Variants in SLC39A11 observed in about 807,000 individuals in gnomAD.
SLC39A11 encodes the protein zinc transporter ZIP11.
Under a neutral mutation model 36.1 loss-of-function variants are expected in SLC39A11, and 33 were observed. The ratio of observed to expected loss-of-function variants is 0.91; its 90% CI spans 0.69 to 1.22. SLC39A11 has a LOEUF of 1.22. SLC39A11 is among the 50% of genes most tolerant of loss of function. The pLI is 0.00. For synonymous variants in SLC39A11, 166 were observed against 170.3 expected (o/e 0.97, Z 0.20); for missense variants, 432 against 430.3 (o/e 1.00, Z -0.03).
chr17:72,800,951 T>C (rs2077064435), intron 6 of SLC39A11, among the ~76,000 whole-genome samples: 1 of 152,206 alleles, frequency 6.6e-6, no homozygotes, highest in Non-Finnish European at 1.5e-5. Flanking sequence ...TAATGTGCCA[T>C]GCAATGGAAT....
Position 72,717,106 on chromosome 17 carries a change from GTATGTATA to G in SLC39A11, c.671+19536_671+19543del, listed in dbSNP as rs938418587. 2.6e-4 allele frequency among the ~76,000 whole-genome samples: 38 copies of G among 143,736 alleles called. No homozygotes were observed. In the East Asian group the frequency reaches 2.8e-3, roughly 11 times the overall value. 94.3% of individuals were successfully genotyped at this position (143,736 alleles called of 152,430 possible). A position where few individuals can be genotyped will look rare whatever the true frequency, so the allele number is the denominator to read the frequency against. ...TGTATATATGTATATACTTATATGT[GTATGTATA>G]TATGTATATATGTATATACTTATAT... is the stretch of plus-strand genomic sequence containing the variant. On this transcript the variant is annotated intron_variant, in intron 7 of 9. Coordinates refer to ENST00000255559, the MANE Select transcript of SLC39A11 (RefSeq NM_139177.4).
chr17:72,987,167 C>T (rs1046062108), intron 4 of SLC39A11, among the ~76,000 whole-genome samples: 27 of 152,196 alleles, frequency 1.8e-4, no homozygotes, highest in African/African-American at 6.3e-4. Flanking sequence ...TCGCTTGTCA[C>T]GTCACACATC....
chr17:72,726,758 CA>C (rs1773581796), intron 7 of SLC39A11, among the ~76,000 whole-genome samples: 1 of 152,140 alleles, frequency 6.6e-6, no homozygotes, highest in Admixed American at 6.5e-5. Flanking sequence ...ATGTATAAGC[CA>C]GGGGAAAGGA....
At chr17:72,699,241 A>G (rs2072489410) in intron 7 of SLC39A11, among the ~76,000 whole-genome samples, 1 of 152,244 alleles carries the variant, frequency 6.6e-6, no homozygotes, top group African/African-American at 2.4e-5. Flanking sequence ...CCACACATAA[A>G]ATACACTAAC....
intron 6 of SLC39A11, among the ~76,000 whole-genome samples, chr17:72,809,084 T>C (rs1044636232): frequency 6.6e-6 from 1 of 152,212 alleles, no homozygotes; most frequent in Non-Finnish European, 1.5e-5. Flanking sequence ...AGTTTGGAGA[T>C]TATTTCTCTA....
chr17:72,974,662 CT>C (rs2087717622), intron 4 of SLC39A11, among the ~76,000 whole-genome samples: 1 of 152,062 alleles, frequency 6.6e-6, no homozygotes, highest in African/African-American at 2.4e-5. Flanking sequence ...ATTTTGATTG[CT>C]TTAGTGTAGC....
chr17:73,002,636 A>G (rs1175859314), intron 4 of SLC39A11, among the ~76,000 whole-genome samples: 1 of 152,248 alleles, frequency 6.6e-6, no homozygotes, highest in African/African-American at 2.4e-5. Flanking sequence ...GGAAAGGCAC[A>G]CTATGGGGAG....
intron 5 of SLC39A11, among the ~76,000 whole-genome samples, chr17:72,922,041 C>T (rs759344251): frequency 2.2e-4 from 34 of 152,140 alleles, no homozygotes; most frequent in Non-Finnish European, 4.4e-4. Context: ...AAGGTGAGTT[C>T]CAACCTAGGT....
rs545373697 is a variant in SLC39A11, at chr17:72,696,927, CAG to C, written c.671+39721_671+39722del. 3.3e-5 allele frequency among the ~76,000 whole-genome samples: 5 copies of C among 152,298 alleles called. No individual in the cohort carries two copies. The East Asian group carries it at 9.6e-4, about 29-fold the overall frequency. Reference sequence around the variant, plus strand: ...CGCTTCAGCAGCTGCGTTTTATAGACAGAACTTAGGACCCTGGCCCGAGACTG... The same window carrying C: ...CGCTTCAGCAGCTGCGTTTTATAGACAACTTAGGACCCTGGCCCGAGACTG... On this transcript the variant is annotated intron_variant, in intron 7 of 9. Coordinates refer to ENST00000255559, the MANE Select transcript of SLC39A11 (RefSeq NM_139177.4).
intron 7 of SLC39A11, among the ~76,000 whole-genome samples, chr17:72,658,485 T>C (rs1178955774): frequency 2.6e-5 from 4 of 152,220 alleles, no homozygotes; most frequent in African/African-American, 4.8e-5. Context: ...CTTAGAGGCC[T>C]GACCCTGTTT....
At chr17:72,652,063 G>A (rs1242854013) in intron 7 of SLC39A11, among the ~76,000 whole-genome samples, 1 of 152,222 alleles carries the variant, frequency 6.6e-6, no homozygotes, top group Non-Finnish European at 1.5e-5. Context: ...GCAGTCCACT[G>A]AGTCTCTGTT....
intron 2 of SLC39A11, 110 bp from the exon 3 acceptor site, chr17:73,084,956 G>A (rs1032571171): frequency 7.2e-6 from 8 of 1,106,458 alleles, no homozygotes; most frequent in Admixed American, 3.6e-5. Context: ...AAGACTGGCC[G>A]ACTCCTGAGC....
intron 6 of SLC39A11, among the ~76,000 whole-genome samples, chr17:72,821,284 C>T (rs1417939734): frequency 6.6e-6 from 1 of 150,406 alleles, no homozygotes; most frequent in Non-Finnish European, 1.5e-5. Context: ...GGGTGGATCA[C>T]CTGAGGTCGG....
At chr17:72,923,882 C>T (rs528830850) in intron 5 of SLC39A11, among the ~76,000 whole-genome samples, 120 of 152,268 alleles carry the variant, frequency 7.9e-4, no homozygotes, top group Admixed American at 2.7e-3. Flanking sequence ...CAGTGGCTCA[C>T]ACCTATAATC....
intron 7 of SLC39A11, among the ~76,000 whole-genome samples, chr17:72,666,405 AG>A (rs1411184515): frequency 6.6e-6 from 1 of 152,216 alleles, no homozygotes; most frequent in African/African-American, 2.4e-5. Flanking sequence ...AAAGGTTGAA[AG>A]GGCTCCTTTC....
intron 7 of SLC39A11, among the ~76,000 whole-genome samples, chr17:72,723,321 A>AGAGTGTGT (rs1555648888): frequency 2.0e-5 from 3 of 148,450 alleles, no homozygotes; most frequent in Admixed American, 1.3e-4. Flanking sequence ...GGAGTGTAAG[A>AGAGTGTGT]GTGTGTGTGT....
chr17:72,974,153 T>A (rs1290782924), intron 4 of SLC39A11, among the ~76,000 whole-genome samples: 4 of 152,114 alleles, frequency 2.6e-5, no homozygotes, highest in Non-Finnish European at 4.4e-5. Context: ...CAGGCTGGAG[T>A]GCAGTGGCGC....
chr17:73,075,423 T>C (rs1021627166), intron 3 of SLC39A11, among the ~76,000 whole-genome samples: 2 of 152,194 alleles, frequency 1.3e-5, no homozygotes, highest in Non-Finnish European at 2.9e-5. Flanking sequence ...TATCTAGCAA[T>C]TTTCAATTCT....
intron 5 of SLC39A11, among the ~76,000 whole-genome samples, chr17:72,869,934 AT>A (rs1272547827): frequency 2.6e-5 from 4 of 152,194 alleles, no homozygotes; most frequent in Admixed American, 6.5e-5. Context: ...TAGAAAAAAA[AT>A]ATTATAATAC....
Sources: allele counts gnomAD v4.1 joint callset (sites outside exome capture counted in the v4.1 genomes callset), GRCh38; gene constraint gnomAD v4.1.1; transcripts MANE v1.5; gene names NCBI Gene and HGNC (gene_info 2026-07-23, HGNC 2026-07-21).